The following ARL15 variants were observed in gnomAD, a reference collection of about 807,000 sequenced individuals.
ARL15 encodes the protein ARF like GTPase 15, also known as ADP-ribosylation factor-like protein 15.
ARL15 carries 19 observed loss-of-function variants against 25.2 expected under a neutral mutation model. The ratio of observed to expected loss-of-function variants is 0.75; its 90% CI spans 0.53 to 1.10. ARL15 has a LOEUF of 1.10. ARL15 is among the 50% of genes least tolerant of loss of function. ARL15 has a pLI of 0.00. For synonymous variants in ARL15, 94 were observed against 86.8 expected (o/e 1.08, Z -0.46); for missense variants, 220 against 246.0 (o/e 0.89, Z 0.71).
At chr5:54,051,599 T>C (rs2111989182) in intron 4 of ARL15, among the ~76,000 whole-genome samples, 1 of 152,266 alleles carries the variant, frequency 6.6e-6, no homozygotes, top group African/African-American at 2.4e-5. Context: ...CATTAGGGAA[T>C]TACAAATTTA....
rs1291646393 is a variant in ARL15 at position 54,268,075 on chromosome 5, T to G, written c.48+42357A>C. 8.5e-5 allele frequency among the ~76,000 whole-genome samples: 13 copies of G among 152,168 alleles called. No individual in the cohort carries two copies. In the East Asian group the frequency reaches 2.3e-3, roughly 27 times the overall value. On this transcript the variant is annotated intron_variant, in intron 1 of 4. Coordinates refer to ENST00000504924, the MANE Select transcript of ARL15 (RefSeq NM_019087.3). ...TCCTGCAGAGTGTTTTCCAATTTGGTTCCATTCTCCCCGTCACTTTCAGGT... is the reference window on the plus strand; with the variant it reads ...TCCTGCAGAGTGTTTTCCAATTTGGGTCCATTCTCCCCGTCACTTTCAGGT...
chr5:54,037,245 G>C (rs389525), intron 4 of ARL15, among the ~76,000 whole-genome samples: 47,965 of 151,602 alleles, frequency 0.32, 8,820 homozygotes, highest in African/African-American at 0.5. Flanking sequence ...ATTTCTTAAA[G>C]ACTTAAAAAA....
chr5:54,110,210 G>C (rs188719931), intron 4 of ARL15, among the ~76,000 whole-genome samples: 19 of 152,024 alleles, frequency 1.2e-4, no homozygotes, highest in Non-Finnish European at 7.4e-5. Flanking sequence ...TAGTAGGGGA[G>C]GGGACTACAT....
At chr5:54,228,109 A>C (rs998707933) in intron 1 of ARL15, among the ~76,000 whole-genome samples, 1 of 152,226 alleles carries the variant, frequency 6.6e-6, no homozygotes, top group African/African-American at 2.4e-5. Context: ...GCAAATTATC[A>C]GATGGCTAAT....
At chr5:54,226,887 G>C (rs901661114) in intron 1 of ARL15, among the ~76,000 whole-genome samples, 2 of 152,090 alleles carry the variant, frequency 1.3e-5, no homozygotes, top group Non-Finnish European at 2.9e-5. Flanking sequence ...CTGAATCATG[G>C]GGGTGGTTCT....
intron 4 of ARL15, among the ~76,000 whole-genome samples, chr5:54,028,255 T>C (rs1250319577): frequency 6.6e-6 from 1 of 152,072 alleles, no homozygotes; most frequent in Non-Finnish European, 1.5e-5. Flanking sequence ...AATGATAACT[T>C]ATATAAATGA....
chr5:54,116,881 A>G (rs1185059226), intron 3 of ARL15, among the ~76,000 whole-genome samples: 2 of 152,204 alleles, frequency 1.3e-5, no homozygotes, highest in Non-Finnish European at 2.9e-5. Context: ...AAAGGCAATG[A>G]GGCTAAATAA....
intron 4 of ARL15, among the ~76,000 whole-genome samples, chr5:54,096,539 T>G (rs1444140662): frequency 6.6e-5 from 10 of 152,084 alleles, no homozygotes; most frequent in Non-Finnish European, 8.8e-5. Flanking sequence ...GCCTCCTGAG[T>G]AGCTGGAATT....
chr5:54,014,979 A>G (rs753124557), intron 4 of ARL15, among the ~76,000 whole-genome samples: 4 of 152,074 alleles, frequency 2.6e-5, no homozygotes, highest in Non-Finnish European at 5.9e-5. Context: ...CTTTGCCCCT[A>G]TATAAGTGAA....
rs1215659515 is a variant in ARL15, at chr5:53,885,427, T to C, written c.*1134A>G. 1 of 152,576 alleles carries C rather than the reference T, an allele frequency of 6.6e-6. No individual in the cohort carries two copies. Among genetic ancestry groups the C allele is most frequent in the Non-Finnish European group, 1.5e-5 (1 of 68,016 alleles). 9.5% of individuals were successfully genotyped at this position (152,576 alleles called of 1,614,324 possible). A position where few individuals can be genotyped will look rare whatever the true frequency, so the allele number is the denominator to read the frequency against. ...AAAAAAACTAGTTCCAAAGACTGAATATGAGTCCCAATATTATTTATTTGC... is the reference window on the plus strand; with the variant it reads ...AAAAAAACTAGTTCCAAAGACTGAACATGAGTCCCAATATTATTTATTTGC... On this transcript the variant is annotated 3_prime_UTR_variant, in exon 5 of 5. Coordinates refer to ENST00000504924, the MANE Select transcript of ARL15 (RefSeq NM_019087.3).
At chr5:54,154,286 T>C (rs542122258) in intron 3 of ARL15, 2 of 249,714 alleles carry the variant, frequency 8.0e-6, no homozygotes, top group South Asian at 2.4e-4. Flanking sequence ...TCTCTTCATA[T>C]GTTTTATTCA....
intron 4 of ARL15, among the ~76,000 whole-genome samples, chr5:54,021,283 T>A (rs1306002655): frequency 6.6e-6 from 1 of 151,290 alleles, no homozygotes; most frequent in Non-Finnish European, 1.5e-5. Context: ...TGCAGTGAGC[T>A]GAGATCATGC....
chr5:54,221,655 T>C (rs940053755), intron 1 of ARL15, among the ~76,000 whole-genome samples: 1 of 151,758 alleles, frequency 6.6e-6, no homozygotes, highest in African/African-American at 2.4e-5. Context: ...TGAGATAATA[T>C]ATCCAAAACG....
At chr5:54,199,846 T>TGTGA (rs1755660579) in intron 1 of ARL15, among the ~76,000 whole-genome samples, 1 of 51,720 alleles carries the variant, frequency 1.9e-5, no homozygotes. Flanking sequence ...CATGCACACA[T>TGTGA]ATGTTTATGG....
chr5:54,225,320 A>G (rs182356144), intron 1 of ARL15, among the ~76,000 whole-genome samples: 3 of 152,328 alleles, frequency 2.0e-5, no homozygotes, highest in Non-Finnish European at 4.4e-5. Flanking sequence ...AAGCGCCTTT[A>G]TCCATCCACT....
rs79798037 is a variant in ARL15 at position 54,162,074 on chromosome 5, G to C, written c.194-7435C>G. Among the ~76,000 whole-genome samples, 933 of 151,372 alleles carry C rather than the reference G, an allele frequency of 6.2e-3. 7 individuals carry two copies. The highest frequency in any genetic ancestry group is 0.02 in the African/African-American group (820 of 41,270). The stretch of plus-strand genomic sequence containing the variant: ...AACAACCAAAAGAATTCTGGACCTG[G>C]GCAGTAAGTTTGAAGATGTCAGCAA... On this transcript the variant is annotated intron_variant, in intron 2 of 4. Coordinates refer to ENST00000504924, the MANE Select transcript of ARL15 (RefSeq NM_019087.3).
chr5:54,302,683 ATTTTTT>A (rs372704359), intron 1 of ARL15, among the ~76,000 whole-genome samples: 3,625 of 77,854 alleles, frequency 0.047, 94 homozygotes, highest in Admixed American at 0.074. Context: ...TAAAATTAAG[ATTTTTT>A]TTTTTTTTTT....
chr5:54,049,338 T>C (rs560422729), intron 4 of ARL15, among the ~76,000 whole-genome samples: 186 of 151,746 alleles, frequency 1.2e-3, no homozygotes, highest in African/African-American at 4.4e-3. Context: ...ACTCAGGCAA[T>C]CTTTCCACCC....
intron 3 of ARL15, among the ~76,000 whole-genome samples, chr5:54,148,495 A>T (rs1034505709): frequency 2.0e-5 from 3 of 152,156 alleles, no homozygotes; most frequent in Non-Finnish European, 4.4e-5. Context: ...TTTCTATATT[A>T]CCCTAAAAAA....
Sources: gnomAD v4.1 joint callset for allele counts (sites outside exome capture counted in the v4.1 genomes callset) on GRCh38, gnomAD v4.1.1 for gene constraint, MANE v1.5 for transcripts, NCBI Gene and HGNC (gene_info 2026-07-23, HGNC 2026-07-21) for gene names.